LRRTM3: variants seen among roughly 807,000 people sequenced by gnomAD.
The protein encoded by LRRTM3 is leucine rich repeat transmembrane neuronal 3.
Under a neutral mutation model 44.7 loss-of-function variants are expected in LRRTM3, and 24 were observed. That is an observed-to-expected ratio of 0.54 (90% CI 0.39 to 0.76). The LOEUF is 0.76. LRRTM3 is among the 30% of genes least tolerant of loss of function. The pLI is 0.00. For missense variants in LRRTM3, 587 were observed against 702.2 expected, an observed-to-expected ratio of 0.84 and a Z score of 1.85; for synonymous variants, 277 against 278.7, an observed-to-expected ratio of 0.99 and a Z score of 0.06.
At chr10:67,074,236 T>C (rs1402885528) in intron 2 of LRRTM3, among the ~76,000 whole-genome samples, 1 of 151,806 alleles carries the variant, frequency 6.6e-6, no homozygotes. Flanking sequence ...TTTCACCATT[T>C]GGCCAGGATG....
intron 2 of LRRTM3, among the ~76,000 whole-genome samples, chr10:66,941,750 G>C (rs1564783498): frequency 6.6e-6 from 1 of 152,134 alleles, no homozygotes; most frequent in Non-Finnish European, 1.5e-5. Flanking sequence ...AGCTGAGTGT[G>C]GCTGAAAGAG....
Position 66,926,272 on chromosome 10 carries a change from A to C in LRRTM3, c.-312A>C. The C allele has an allele frequency of 2.2e-6, 1 of 451,884 alleles. No homozygotes were observed. Among genetic ancestry groups the C allele is most frequent in the Non-Finnish European group, 4.1e-6 (1 of 242,464 alleles). The allele number at this position is 451,884 out of a possible 1,614,324, so 28.0% of individuals were successfully genotyped here. On this transcript the variant is annotated 5_prime_UTR_variant, in exon 1 of 3. Transcript: ENST00000361320. ...AATTGTAGGATCCAGTTTTTTTTTT[A>C]ACCGCCCCCTCCCCACCCCCCAAAA...
At chr10:67,095,250 T>G (rs939140402) in intron 2 of LRRTM3, among the ~76,000 whole-genome samples, 5 of 151,684 alleles carry the variant, frequency 3.3e-5, no homozygotes, top group African/African-American at 1.2e-4. Context: ...GAATCAACTT[T>G]AAAATGCACT....
intron 2 of LRRTM3, among the ~76,000 whole-genome samples, chr10:67,071,799 C>T (rs1254451811): frequency 6.6e-6 from 1 of 152,054 alleles, no homozygotes; most frequent in Non-Finnish European, 1.5e-5. Context: ...TCTAATTTTT[C>T]CCTTTTTCTT....
intron 2 of LRRTM3, among the ~76,000 whole-genome samples, chr10:67,075,167 T>C (rs1856680676): frequency 1.4e-5 from 1 of 71,974 alleles, no homozygotes; most frequent in South Asian, 4.5e-4. Flanking sequence ...TCTAAGGATT[T>C]CTGCACACAC....
intron 2 of LRRTM3, among the ~76,000 whole-genome samples, chr10:66,936,003 A>G (rs924401505): frequency 2.0e-5 from 3 of 152,172 alleles, no homozygotes; most frequent in African/African-American, 7.2e-5. Context: ...TGCTAGTTAA[A>G]GTCTAATCTG....
intron 2 of LRRTM3, among the ~76,000 whole-genome samples, chr10:66,929,983 T>C (rs1357278433): frequency 6.6e-6 from 1 of 152,166 alleles, no homozygotes; most frequent in African/African-American, 2.4e-5. Context: ...CCCTACATCT[T>C]TAACCATGTC....
intron 2 of LRRTM3, among the ~76,000 whole-genome samples, chr10:66,953,068 G>T (rs1489653769): frequency 6.6e-6 from 1 of 152,092 alleles, no homozygotes; most frequent in East Asian, 1.9e-4. Flanking sequence ...CAACTCTAGT[G>T]TACAGAGAAA....
chr10:66,944,276 T>C (rs1187365996), intron 2 of LRRTM3, among the ~76,000 whole-genome samples: 1 of 152,206 alleles, frequency 6.6e-6, no homozygotes, highest in Non-Finnish European at 1.5e-5. Flanking sequence ...CAGGAGAAGA[T>C]TTTATCTCAA....
chr10:66,988,764 C>A (rs1259643360), intron 2 of LRRTM3, among the ~76,000 whole-genome samples: 1 of 152,018 alleles, frequency 6.6e-6, no homozygotes, highest in East Asian at 1.9e-4. Flanking sequence ...GAGACAGGTG[C>A]AATTTTTTTC....
intron 2 of LRRTM3, among the ~76,000 whole-genome samples, chr10:66,945,202 G>A (rs951706729): frequency 1.3e-5 from 2 of 152,172 alleles, no homozygotes; most frequent in Non-Finnish European, 2.9e-5. Flanking sequence ...AGATTATTTA[G>A]TGTAAGTTAA....
At chr10:66,983,436 A>T (rs1428032072) in intron 2 of LRRTM3, among the ~76,000 whole-genome samples, 1 of 152,170 alleles carries the variant, frequency 6.6e-6, no homozygotes, top group African/African-American at 2.4e-5. Flanking sequence ...CAGATGGAGC[A>T]AACAAGGAAA....
intron 2 of LRRTM3, among the ~76,000 whole-genome samples, chr10:67,044,526 A>G (rs1173313488): frequency 6.6e-6 from 1 of 152,188 alleles, no homozygotes; most frequent in African/African-American, 2.4e-5. Context: ...AGTTTCCCAG[A>G]TTCCCCATTG....
chr10:67,003,124 A>G (rs1851777328), intron 2 of LRRTM3, among the ~76,000 whole-genome samples: 1 of 152,198 alleles, frequency 6.6e-6, no homozygotes, highest in Non-Finnish European at 1.5e-5. Context: ...TTCCATTGAA[A>G]TAATCTATGC....
At chr10:66,987,307 A>C (rs1850785770) in intron 2 of LRRTM3, among the ~76,000 whole-genome samples, 1 of 152,192 alleles carries the variant, frequency 6.6e-6, no homozygotes, top group Non-Finnish European at 1.5e-5. Flanking sequence ...TTAGAGAGAC[A>C]GTTATAAGAG....
intron 2 of LRRTM3, among the ~76,000 whole-genome samples, chr10:66,948,953 A>G (rs1456896417): frequency 6.6e-6 from 1 of 152,216 alleles, no homozygotes; most frequent in Non-Finnish European, 1.5e-5. Context: ...ACATAATTCC[A>G]GATCAGATAA....
intron 2 of LRRTM3, among the ~76,000 whole-genome samples, chr10:67,087,222 A>G (rs1442508481): frequency 6.6e-6 from 1 of 152,036 alleles, no homozygotes; most frequent in East Asian, 1.9e-4. Context: ...TTTCATTGGC[A>G]CTACAAAAAT....
chr10:67,043,209 G>A (rs148613871), intron 2 of LRRTM3, among the ~76,000 whole-genome samples: 1 of 144,700 alleles, frequency 6.9e-6, no homozygotes, highest in African/African-American at 2.5e-5. Context: ...TCACATACTT[G>A]AAGTGTGCCA....
intron 2 of LRRTM3, among the ~76,000 whole-genome samples, chr10:67,031,281 T>G (rs889457082): frequency 6.6e-6 from 1 of 152,126 alleles, no homozygotes; most frequent in African/African-American, 2.4e-5. Context: ...AGGTAGAAAT[T>G]CACAGGTTTT....
Sources: gnomAD v4.1 joint callset for allele counts (sites outside exome capture counted in the v4.1 genomes callset) on GRCh38, gnomAD v4.1.1 for gene constraint, MANE v1.5 for transcripts, NCBI Gene and HGNC (gene_info 2026-07-23, HGNC 2026-07-21) for gene names.